FAM178B: variants seen among roughly 807,000 people sequenced by gnomAD.
The protein encoded by FAM178B is protein FAM178B.
In FAM178B, 82 loss-of-function variants were observed where a neutral mutation model predicts 91.7. That is an observed-to-expected ratio of 0.89 (90% CI 0.75 to 1.07). FAM178B has a LOEUF of 1.07. FAM178B is among the 50% of genes least tolerant of loss of function. The probability of loss-of-function intolerance (pLI) is 0.00; values close to 1 mark genes in which losing one functional copy is unlikely to be tolerated. For synonymous variants in FAM178B, 368 were observed against 359.4 expected (o/e 1.02, Z -0.27); for missense variants, 769 against 846.7 (o/e 0.91, Z 1.14).
intron 6 of FAM178B, among the ~76,000 whole-genome samples, chr2:96,959,779 G>A (rs181059546): frequency 0.011 from 1,722 of 152,336 alleles, 130 homozygotes; most frequent in Admixed American, 0.1. Context: ...CAATGGTTAC[G>A]TGATAATGAT....
chr2:96,933,231 AG>A (rs2081570945), intron 8 of FAM178B, among the ~76,000 whole-genome samples: 1 of 152,138 alleles, frequency 6.6e-6, no homozygotes. Flanking sequence ...CAACAAAGCG[AG>A]ACTCCGTTTC....
chr2:96,923,286 G>A (rs967158884), intron 10 of FAM178B, among the ~76,000 whole-genome samples: 1 of 152,152 alleles, frequency 6.6e-6, no homozygotes, highest in African/African-American at 2.4e-5. Context: ...ATTCTTTCTT[G>A]TACAAGAACT....
intron 13 of FAM178B, chr2:96,898,131 G>A (rs1047679787): frequency 1.0e-6 from 1 of 985,380 alleles, no homozygotes; most frequent in African/African-American, 1.7e-5. Flanking sequence ...CTAAACCCCT[G>A]TGCCCCCTTT....
chr2:96,986,333 T>C lies in FAM178B; in HGVS notation c.-20A>G. 6.5e-7 allele frequency: 1 copy of C among 1,531,650 alleles called. No homozygotes were observed. The highest frequency in any genetic ancestry group is 8.7e-7 in the Non-Finnish European group (1 of 1,145,940). 94.9% of individuals were successfully genotyped at this position (1,531,650 alleles called of 1,614,324 possible). ...CCACATAGGGCGGGAAGGGCAGGGCTCCGGGGTGAGGGAGGGTGGCGGGAA... is the reference window on the plus strand; with the variant it reads ...CCACATAGGGCGGGAAGGGCAGGGCCCCGGGGTGAGGGAGGGTGGCGGGAA... On this transcript the variant is annotated 5_prime_UTR_variant, in exon 1 of 17. Transcript: ENST00000490605.
At chr2:96,980,429 GCT>G (rs1298191489) in intron 1 of FAM178B, among the ~76,000 whole-genome samples, 5 of 145,032 alleles carry the variant, frequency 3.4e-5, no homozygotes, top group Non-Finnish European at 6.1e-5. Context: ...ATGAGGTCTT[GCT>G]CTGTCACCCA....
chr2:96,924,114 G>T (rs1245118353), intron 9 of FAM178B, among the ~76,000 whole-genome samples: 3 of 152,214 alleles, frequency 2.0e-5, no homozygotes, highest in East Asian at 3.9e-4. Flanking sequence ...ACACATGGAG[G>T]GGGGCTCCTT....
At chr2:96,949,968 C>T in intron 7 of FAM178B, 2 of 985,524 alleles carry the variant, frequency 2.0e-6, no homozygotes, top group South Asian at 9.4e-5. Context: ...GAACTCACAC[C>T]AAGTCTGTCT....
chr2:96,889,532 G>A (rs1225974101), intron 14 of FAM178B, among the ~76,000 whole-genome samples: 1 of 151,744 alleles, frequency 6.6e-6, no homozygotes, highest in Non-Finnish European at 1.5e-5. Context: ...ACAAAAATTA[G>A]CCGGGCATGA....
At chr2:96,960,542 CTG>C in intron 5 of FAM178B, 102 bp from the exon 6 acceptor site, 2 of 1,361,616 alleles carry the variant, frequency 1.5e-6, no homozygotes, top group Non-Finnish European at 2.0e-6. Flanking sequence ...CACGGGCTCC[CTG>C]CCTTGCAGTC....
At chr2:96,943,349 G>A (rs2081766054) in intron 8 of FAM178B, among the ~76,000 whole-genome samples, 1 of 152,058 alleles carries the variant, frequency 6.6e-6, no homozygotes, top group African/African-American at 2.4e-5. Flanking sequence ...GCCTATTCTG[G>A]ACATTTCAGA....
chr2:96,888,674 T>TA (rs2080587915), intron 14 of FAM178B, among the ~76,000 whole-genome samples: 1 of 152,180 alleles, frequency 6.6e-6, no homozygotes, highest in Admixed American at 6.5e-5. Flanking sequence ...AGCGAAGCAG[T>TA]AAAACTTGTT....
intron 12 of FAM178B, among the ~76,000 whole-genome samples, chr2:96,917,131 C>T (rs1173087298): frequency 1.3e-5 from 2 of 152,120 alleles, no homozygotes; most frequent in African/African-American, 2.4e-5. Flanking sequence ...CAGAGGCTGG[C>T]GGCCAGCCAG....
intron 12 of FAM178B, among the ~76,000 whole-genome samples, chr2:96,905,863 T>A (rs1242737613): frequency 0.013 from 315 of 24,712 alleles, 13 homozygotes; most frequent in African/African-American, 0.019. Context: ...TATATATATT[T>A]TTTTTTTTTT....
chr2:96,962,721 G>A (rs995020432), intron 5 of FAM178B, among the ~76,000 whole-genome samples: 2 of 152,208 alleles, frequency 1.3e-5, no homozygotes, highest in South Asian at 2.1e-4. Context: ...AAGAAATGGA[G>A]AATTGAGGAT....
chr2:96,939,491 A>G (rs957416302), intron 8 of FAM178B, among the ~76,000 whole-genome samples: 2 of 152,132 alleles, frequency 1.3e-5, no homozygotes, highest in African/African-American at 4.8e-5. Context: ...GTGAGACTCC[A>G]TCTCAAAACA....
At chr2:96,983,577 C>T (rs951863429) in intron 1 of FAM178B, among the ~76,000 whole-genome samples, 1 of 152,182 alleles carries the variant, frequency 6.6e-6, no homozygotes, top group Non-Finnish European at 1.5e-5. Flanking sequence ...AGGTATGTGC[C>T]ACCATGCCCA....
intron 14 of FAM178B, among the ~76,000 whole-genome samples, chr2:96,889,810 A>G (rs2080626069): frequency 6.6e-6 from 1 of 152,020 alleles, no homozygotes. Context: ...ATGCAATAGC[A>G]GGTTTTGACA....
chr2:96,944,432 C>T (rs2081787455), intron 8 of FAM178B, among the ~76,000 whole-genome samples: 1 of 152,110 alleles, frequency 6.6e-6, no homozygotes, highest in Admixed American at 6.6e-5. Flanking sequence ...AATGGAAAAA[C>T]TGTTCTGATA....
At chr2:96,927,968 C>T (rs1364210671) in intron 9 of FAM178B, among the ~76,000 whole-genome samples, 1 of 152,236 alleles carries the variant, frequency 6.6e-6, no homozygotes, top group African/African-American at 2.4e-5. Flanking sequence ...GCAAGTGGCT[C>T]ATTACACCAG....
Sources: allele counts gnomAD v4.1 joint callset (sites outside exome capture counted in the v4.1 genomes callset), GRCh38; gene constraint gnomAD v4.1.1; transcripts MANE v1.5; gene names NCBI Gene and HGNC (gene_info 2026-07-23, HGNC 2026-07-21).